The following ADK variants were observed in gnomAD, a reference collection of about 807,000 sequenced individuals.
ADK encodes adenosine kinase.
In ADK, 24 loss-of-function variants were observed where a neutral mutation model predicts 44.7. The observed-to-expected ratio is 0.54, with a 90% CI of 0.39 to 0.76. The LOEUF (loss-of-function observed/expected upper bound fraction) is 0.76, where lower values mean the gene tolerates loss of function less well. Ranked by LOEUF, ADK falls within the 30% of genes least tolerant of loss-of-function variation. ADK has a pLI of 0.00. For synonymous variants in ADK, 128 were observed against 142.6 expected (o/e 0.90, Z 0.73); for missense variants, 321 against 425.1 (o/e 0.76, Z 2.15).
intron 6 of ADK, among the ~76,000 whole-genome samples, chr10:74,434,123 G>A (rs1845101630): frequency 6.6e-6 from 1 of 152,062 alleles, no homozygotes; most frequent in Non-Finnish European, 1.5e-5. Context: ...TATATATAAT[G>A]AGTTTGGAAT....
At chr10:74,372,825 T>C (rs1842703821) in intron 4 of ADK, among the ~76,000 whole-genome samples, 1 of 152,186 alleles carries the variant, frequency 6.6e-6, no homozygotes, top group East Asian at 1.9e-4. Context: ...CTAAATTCTT[T>C]GCACAATTTG....
chr10:74,517,971 G>A (rs1038061766), intron 6 of ADK, among the ~76,000 whole-genome samples: 42 of 152,178 alleles, frequency 2.8e-4, no homozygotes, highest in Admixed American at 2.2e-3. Flanking sequence ...CAGGGCCAAC[G>A]TTTTTCTTAC....
chr10:74,667,688 A>G lies in ADK; in HGVS notation c.878-2495A>G, dbSNP rs534548853. 1.1e-4 allele frequency among the ~76,000 whole-genome samples: 17 copies of G among 151,892 alleles called. 2 individuals are homozygous for G. Among genetic ancestry groups the G allele is most frequent in the African/African-American group, 3.9e-4 (16 of 41,422 alleles). On this transcript the variant is annotated intron_variant, in intron 9 of 10. Transcript: ENST00000539909. Reference sequence around the variant, plus strand: ...GCTGGGATTTCAGGCATGTGCCACCATGCCTGACAAATTTTTTTTTGTATT... The same window carrying G: ...GCTGGGATTTCAGGCATGTGCCACCGTGCCTGACAAATTTTTTTTTGTATT...
intron 7 of ADK, among the ~76,000 whole-genome samples, chr10:74,545,650 C>T (rs1400749878): frequency 1.3e-5 from 2 of 152,114 alleles, no homozygotes; most frequent in Admixed American, 1.3e-4. Context: ...TATGACTTCT[C>T]ATAGGGTTTG....
intron 9 of ADK, among the ~76,000 whole-genome samples, chr10:74,612,558 A>G (rs945594237): frequency 7.2e-5 from 11 of 152,140 alleles, no homozygotes; most frequent in Non-Finnish European, 1.5e-4. Context: ...ATAGTTAGCA[A>G]ATATTTTCTC....
At chr10:74,315,158 T>C (rs534908427) in intron 4 of ADK, among the ~76,000 whole-genome samples, 1 of 152,156 alleles carries the variant, frequency 6.6e-6, no homozygotes, top group African/African-American at 2.4e-5. Flanking sequence ...TTTCAAAGTT[T>C]TTAACGTAAT....
At chr10:74,593,722 C>T (rs1851799736) in intron 8 of ADK, among the ~76,000 whole-genome samples, 1 of 152,242 alleles carries the variant, frequency 6.6e-6, no homozygotes. Context: ...GGCTAGATGA[C>T]TCAATGTGTG....
chr10:74,595,395 G>GTA (rs1851871945), intron 8 of ADK, among the ~76,000 whole-genome samples: 3 of 91,698 alleles, frequency 3.3e-5, no homozygotes, highest in African/African-American at 1.6e-4. Flanking sequence ...TTTTTTTTGG[G>GTA]GAGGGGGTTT....
At chr10:74,310,334 A>G (rs548838071) in intron 3 of ADK, among the ~76,000 whole-genome samples, 2 of 152,298 alleles carry the variant, frequency 1.3e-5, no homozygotes, top group African/African-American at 4.8e-5. Flanking sequence ...GCCACAGCAC[A>G]ATCAGTTCCC....
chr10:74,550,530 C>T (rs1227900106), intron 7 of ADK, among the ~76,000 whole-genome samples: 5 of 152,128 alleles, frequency 3.3e-5, no homozygotes, highest in Non-Finnish European at 7.3e-5. Context: ...GGTTTTGCCT[C>T]TCCCCTCCAG....
chr10:74,408,537 C>T (rs931067694), intron 6 of ADK, among the ~76,000 whole-genome samples: 1 of 152,036 alleles, frequency 6.6e-6, no homozygotes, highest in African/African-American at 2.4e-5. Flanking sequence ...TGAGAAAGTA[C>T]AGTAGAACCT....
At chr10:74,225,521 A>C (rs1048050986) in intron 3 of ADK, among the ~76,000 whole-genome samples, 3 of 152,116 alleles carry the variant, frequency 2.0e-5, no homozygotes, top group Admixed American at 1.3e-4. Flanking sequence ...TTAAGTAATA[A>C]TTTTTTTCCA....
intron 8 of ADK, among the ~76,000 whole-genome samples, chr10:74,598,976 T>C (rs1589285282): frequency 1.3e-5 from 2 of 152,224 alleles, no homozygotes; most frequent in East Asian, 3.8e-4. Flanking sequence ...ATTTTAATTA[T>C]ATGTGTACAC....
In ADK at chr10:74,263,441, T is replaced by A. The variant is rs1846112041; in HGVS notation, c.194+38850T>A. On this transcript the variant is annotated intron_variant, in intron 3 of 10. Transcript: ENST00000539909. ...GTTTGTAGCATGAATTTTCTTACTT[T>A]TAGTTTTTCCTTATGAAATACTTTA... Among the ~76,000 whole-genome samples, 4 of 152,210 alleles carry A rather than the reference T, an allele frequency of 2.6e-5. No individual in the cohort carries two copies. In the South Asian group the frequency reaches 8.3e-4, roughly 32 times the overall value.
intron 10 of ADK, among the ~76,000 whole-genome samples, chr10:74,692,214 C>T (rs552403915): frequency 1.3e-5 from 2 of 152,170 alleles, no homozygotes; most frequent in East Asian, 1.9e-4. Context: ...CATGGTGGCT[C>T]ACACCCGTAA....
chr10:74,156,185 C>A (rs1841745489), intron 1 of ADK, among the ~76,000 whole-genome samples: 1 of 152,114 alleles, frequency 6.6e-6, no homozygotes. Flanking sequence ...GTGGGAAGGG[C>A]CTTAGGAAAA....
intron 3 of ADK, among the ~76,000 whole-genome samples, chr10:74,277,381 C>CTTTTGTTTTG (rs560507426): frequency 3.4e-5 from 5 of 147,538 alleles, no homozygotes; most frequent in African/African-American, 1.3e-4. Flanking sequence ...TTTTAAATTT[C>CTTTTGTTTTG]TTTTGTTTTG....
chr10:74,665,771 GAGAGAGAGAGAC>G (rs1448839529), intron 9 of ADK, among the ~76,000 whole-genome samples: 76 of 149,174 alleles, frequency 5.1e-4, no homozygotes, highest in Middle Eastern at 3.4e-3. Flanking sequence ...GAGAGAGAGA[GAGAGAGAGAGAC>G]AGACAGACAG....
At chr10:74,510,928 A>C (rs556207183) in intron 6 of ADK, among the ~76,000 whole-genome samples, 1 of 152,090 alleles carries the variant, frequency 6.6e-6, no homozygotes, top group South Asian at 2.1e-4. Context: ...GGCTGATCTC[A>C]AACTCCTGGG....
Sources: gnomAD v4.1 joint callset for allele counts (sites outside exome capture counted in the v4.1 genomes callset) on GRCh38, gnomAD v4.1.1 for gene constraint, MANE v1.5 for transcripts, NCBI Gene and HGNC (gene_info 2026-07-23, HGNC 2026-07-21) for gene names.